Variants in PKD1 observed in about 807,000 individuals in gnomAD.
PKD1 encodes polycystin-1.
A neutral mutation model predicts 361.7 loss-of-function variants in PKD1; 81 were observed. That is an observed-to-expected ratio of 0.22 (90% CI 0.19 to 0.27). PKD1 has a LOEUF of 0.27. Among genes scored for constraint, PKD1 ranks in the 10% least tolerant of loss-of-function variants. PKD1 has a pLI of 1.00. For synonymous variants in PKD1, 3,615 were observed against 2,818.3 expected, an observed-to-expected ratio of 1.28 and a Z score of -8.95; for missense variants, 6,399 against 6,118.3, an observed-to-expected ratio of 1.05 and a Z score of -1.53.
At position 2,103,619 on chromosome 16, in the gene PKD1, C is replaced by G. The variant is rs2092197925; in HGVS notation, c.8438G>C (p.Ser2813Thr). Residue 2813 changes from serine (S) to threonine (T), a missense_variant, in exon 23 of 46, where the codon AGC becomes ACC. By Grantham distance (58) the Ser-to-Thr change is moderately conservative. Transcript: ENST00000262304. ...GTCACTGAGGTTGGCCAGGGCCCCG[C>G]TGAAAGCCTCGGGGATGGAGAAGTG... Reference protein sequence around the residue: ...GCHFSIPEAFSGALANLSDVV... With the variant: ...GCHFSIPEAFTGALANLSDVV... The G allele has an allele frequency of 3.1e-6, 5 of 1,610,496 alleles. No homozygotes were observed. The highest frequency in any genetic ancestry group is 2.7e-5 in the African/African-American group (2 of 74,990).
In PKD1 at chr16:2,111,567, C is replaced by A. The variant is rs372882189; in HGVS notation, c.3600G>T (p.Ala1200=). The change falls in exon 15 of 46, where the codon GCG becomes GCT. Residue 1200 remains alanine (A), a synonymous_variant. Transcript: ENST00000262304. Reference sequence around the variant, plus strand: ...AGACGCGCACATCCGCCTGGGCCGCCGCACCGCTCACCGTGTTGTTGACCT... The same window carrying A: ...AGACGCGCACATCCGCCTGGGCCGCAGCACCGCTCACCGTGTTGTTGACCT... ...RLEVNNTVSG[A]AAQADVRVFE... 3 of 1,579,516 alleles carry A rather than the reference C, an allele frequency of 1.9e-6. No homozygotes were observed. Among genetic ancestry groups the A allele is most frequent in the Admixed American group, 3.6e-5 (2 of 55,088 alleles).
Position 2,110,894 on chromosome 16 carries a change from G to C in PKD1, c.4273C>G (p.Arg1425Gly), listed in dbSNP as rs773227281. Reference protein sequence around the residue: ...DFGTEEAAPTRARGPEVTFIY... With the variant: ...DFGTEEAAPTGARGPEVTFIY... ...AACGTCACCTCAGGGCCCCTGGCACGGGTGGGGGCGGCTTCCTCGGTGCCA... is the reference window on the plus strand; with the variant it reads ...AACGTCACCTCAGGGCCCCTGGCACCGGTGGGGGCGGCTTCCTCGGTGCCA... The change falls in exon 15 of 46, where the codon CGT (arginine) becomes GGT (glycine). Residue 1425 changes from arginine to glycine, a missense_variant. By Grantham distance (125) the Arg-to-Gly change is moderately radical (BLOSUM62 -2). Transcript: ENST00000262304. 1.2e-6 allele frequency: 2 copies of C among 1,611,624 alleles called. No individual in the cohort carries two copies. Among genetic ancestry groups the C allele is most frequent in the Non-Finnish European group, 1.7e-6 (2 of 1,179,834 alleles).
At chr16:2,096,136 G>C (rs568622171) in intron 34 of PKD1, among the ~76,000 whole-genome samples, 1 of 152,350 alleles carries the variant, frequency 6.6e-6, no homozygotes, top group East Asian at 1.9e-4. Context: ...TTAGTGCCAG[G>C]GATGTGTTCT....
At chr16:2,122,444 C>T (rs2092735866) in intron 1 of PKD1, among the ~76,000 whole-genome samples, 2 of 152,068 alleles carry the variant, frequency 1.3e-5, no homozygotes, top group Admixed American at 6.5e-5. Context: ...GCTTCTCTGC[C>T]GTCCCCTCCT....
intron 1 of PKD1, among the ~76,000 whole-genome samples, chr16:2,123,202 G>C (rs1310272146): frequency 3.9e-5 from 6 of 152,130 alleles, no homozygotes; most frequent in Non-Finnish European, 8.8e-5. Flanking sequence ...TCCTTCTCCC[G>C]GCCCTCACCC....
At position 2,088,766 on chromosome 16, in the gene PKD1, G is replaced by T. The variant is rs1368565623; in HGVS notation, c.*961C>A. The T allele has an allele frequency of 1.9e-6, 2 of 1,080,104 alleles. No homozygotes were observed. Among genetic ancestry groups the T allele is most frequent in the Non-Finnish European group, 1.3e-6 (1 of 765,742 alleles). 66.9% of individuals were successfully genotyped at this position (1,080,104 alleles called of 1,614,324 possible). ...TGCTTGGTGCGGGGGTTGGGGGGGT[G>T]TCGAGGCTCTAGAAGCGGCCATGCC... is the stretch of plus-strand genomic sequence containing the variant. On this transcript the variant is annotated 3_prime_UTR_variant, in exon 46 of 46. Coordinates refer to ENST00000262304, the MANE Select transcript of PKD1 (RefSeq NM_001009944.3).
At chr16:2,093,369 GGCA>G (rs2091689562) in intron 37 of PKD1, 172 bp downstream of exon 37, 1 of 715,952 alleles carries the variant, frequency 1.4e-6, no homozygotes. Flanking sequence ...CAGGGACTGG[GGCA>G]GCAAGTGGGG....
At position 2,116,088 on chromosome 16, in the gene PKD1, G is replaced by A. The variant is rs1485008757; in HGVS notation, c.1753C>T (p.Arg585Cys). The change falls in exon 9 of 46, where the codon CGT becomes TGT. Residue 585 changes from arginine to cysteine, a missense_variant. By Grantham distance (180) the Arg-to-Cys change is radical. Transcript: ENST00000262304. ...VMVFPGLRLS[R>C]EAFLTTAEFG... The stretch of plus-strand genomic sequence containing the variant: ...TCGGCCGTGGTGAGGAAGGCTTCAC[G>A]GCTCAGACGCAGGCCCGGGAATACC... 3 of 1,539,178 alleles carry A rather than the reference G, an allele frequency of 1.9e-6. No homozygotes were observed. The highest frequency in any genetic ancestry group is 1.8e-6 in the Non-Finnish European group (2 of 1,132,200).
rs749853995 is a variant in PKD1, at chr16:2,106,017, C to T, written c.7711G>A (p.Ala2571Thr). The T allele has an allele frequency of 3.7e-6, 6 of 1,606,058 alleles. No homozygotes were observed. In the South Asian group the frequency reaches 6.6e-5, roughly 18 times the overall value. Reference sequence around the variant, plus strand: ...CCGTTGGGCTCTGGGAGGGTGATGGCCAAAGACCTACGAGCAGAGGGGGGT... The same window carrying T: ...CCGTTGGGCTCTGGGAGGGTGATGGTCAAAGACCTACGAGCAGAGGGGGGT... ...AAVVALNRSL[A>T]ITLPEPNGSA... The change falls in exon 20 of 46, where the codon GCC (alanine) becomes ACC (threonine). Residue 2571 changes from alanine (A) to threonine (T), a missense_variant. By Grantham distance (58) the Ala-to-Thr change is moderately conservative (BLOSUM62 0). Transcript: ENST00000262304. The surrounding 1 kb of genome is among the most constrained non-coding windows in gnomAD (Gnocchi z 6.5).
In PKD1 at chr16:2,091,906, C is replaced by G. The variant is rs1276387001; in HGVS notation, c.11412G>C (p.Gly3804=). The change falls in exon 41 of 46, where the codon GGG becomes GGC. Residue 3804 remains glycine (G), a splice_region_variant and synonymous_variant. Coordinates refer to ENST00000262304, the MANE Select transcript of PKD1 (RefSeq NM_001009944.3). ...CGGCACAGGAGCCCCAGGACCATGC[C>G]CTGCCGGAGAGGGGTGGCGTGGGTG... ...TWAYSAPDLL[G]AWSWGSCAVY... is the part of the protein sequence containing the mutation. The G allele has an allele frequency of 6.2e-7, 1 of 1,611,662 alleles. No homozygotes were observed.
At chr16:2,129,259 A>T (rs1739117172) in intron 1 of PKD1, among the ~76,000 whole-genome samples, 1 of 149,360 alleles carries the variant, frequency 6.7e-6, no homozygotes. Context: ...TCATAGACTC[A>T]GGGAATCCTC....
chr16:2,114,220 G>A lies in PKD1; in HGVS notation c.2803C>T (p.Leu935Phe). ...GCCTCGGGGCTGGGCGTGGCGCGGA[G>A]GCCACAGATGGGCTCCTCCGCCGTC... ...RVTAEEPICG[L>F]RATPSPEARV... Residue 935 changes from leucine to phenylalanine, a missense_variant, in exon 11 of 46, where the codon CTC becomes TTC. Physicochemically the swap from Leu to Phe is conservative, Grantham distance 22. Transcript: ENST00000262304. 6.2e-7 allele frequency: 1 copy of A among 1,609,826 alleles called. No homozygotes were observed. The highest frequency in any genetic ancestry group is 1.1e-5 in the South Asian group (1 of 90,962).
rs112387277 is a variant in PKD1 at position 2,090,911 on chromosome 16, G to C, written c.11976C>G (p.Ala3992=). The change falls in exon 43 of 46, where the codon GCC becomes GCG. Residue 3992 remains alanine, a synonymous_variant. Transcript: ENST00000262304. ...QLSSAARGLA[A]SLLFLLLVKA... is the part of the protein sequence containing the mutation. The stretch of plus-strand genomic sequence containing the variant: ...TGACCAAAAGCAGGAAGAGCAGCGA[G>C]GCCGCCAGGCCACGGGCTGCGGAGC... 5.3e-3 allele frequency: 8,406 copies of C among 1,592,700 alleles called. 42 individuals are homozygous for C. Among genetic ancestry groups the C allele is most frequent in the Non-Finnish European group, 6.6e-3 (7,726 of 1,175,884 alleles).
intron 33 of PKD1, 21 bp from the exon 34 acceptor site, chr16:2,097,262 G>C (rs1422066246): frequency 4.4e-6 from 7 of 1,601,534 alleles, no homozygotes; most frequent in South Asian, 1.1e-5. Context: ...AGGAGGCATA[G>C]GGTGGGCCCA....
intron 24 of PKD1, 60 bp from the exon 25 acceptor site, chr16:2,102,693 C>A (rs2092146268): frequency 6.2e-7 from 1 of 1,609,550 alleles, no homozygotes; most frequent in Non-Finnish European, 8.5e-7. Flanking sequence ...ATGTCGCAGT[C>A]TCAGAGCCCA....
Position 2,097,250 on chromosome 16 carries a change from A to C in PKD1, c.10406-9T>G. 6.3e-7 allele frequency: 1 copy of C among 1,594,902 alleles called. No homozygotes were observed. The highest frequency in any genetic ancestry group is 8.5e-7 in the Non-Finnish European group (1 of 1,170,878). On this transcript the variant is annotated splice_polypyrimidine_tract_variant and intron_variant, in intron 33 of 45. Transcript: ENST00000262304. Reference sequence around the variant, plus strand: ...CTGGATCAGGTCTTCATCTAGAGGTACAGGAGGCATAGGGTGGGCCCAGCT... The same window carrying C: ...CTGGATCAGGTCTTCATCTAGAGGTCCAGGAGGCATAGGGTGGGCCCAGCT...
In PKD1 at chr16:2,110,308, G is replaced by T; in HGVS notation, c.4859C>A (p.Ala1620Asp). 3.1e-6 allele frequency: 5 copies of T among 1,612,672 alleles called. No individual in the cohort carries two copies. Among genetic ancestry groups the T allele is most frequent in the Non-Finnish European group, 4.2e-6 (5 of 1,179,852 alleles). ...GACATAGACGAAGATGCTGTCCTGG[G>T]CGGAGCCCACCTCGTTCTCAGCCGT... The part of the protein sequence containing the change: ...IVTAENEVGS[A>D]QDSIFVYVLQ... The change falls in exon 15 of 46, where the codon GCC (alanine) becomes GAC (aspartate). Residue 1620 changes from alanine (A) to aspartate (D), a missense_variant. Physicochemically the swap from Ala to Asp is moderately radical, Grantham distance 126 (BLOSUM62 -2). Transcript: ENST00000262304.
rs747712794 is a variant in PKD1, at chr16:2,111,504, C to T, written c.3663G>A (p.Leu1221=). ...CCACGGGGGCGCCCTGCTCCACGGC[C>T]AGGCTCATGTCCACGCTGAGTCCGC... ...ELRGLSVDMS[L]AVEQGAPVVV... Residue 1221 remains leucine, a synonymous_variant, in exon 15 of 46, where the codon CTG becomes CTA. Transcript: ENST00000262304. 3.7e-6 allele frequency: 6 copies of T among 1,610,660 alleles called. No homozygotes were observed. Among genetic ancestry groups the T allele is most frequent in the Non-Finnish European group, 5.1e-6 (6 of 1,179,192 alleles).
At chr16:2,097,069 G>A in intron 34 of PKD1, 79 bp downstream of exon 34, 5 of 449,990 alleles carry the variant, frequency 1.1e-5, no homozygotes, top group African/African-American at 2.1e-5. Flanking sequence ...CCCTACCCCA[G>A]GCGGGAACCA....
Sources: gnomAD v4.1 joint callset for allele counts (sites outside exome capture counted in the v4.1 genomes callset) on GRCh38, gnomAD v4.1.1 for gene constraint, Gnocchi (gnomAD v3.1) non-coding constraint, MANE v1.5 for transcripts, NCBI Gene and HGNC (gene_info 2026-07-23, HGNC 2026-07-21) for gene names.